CEP350: variants seen among roughly 807,000 people sequenced by gnomAD.
CEP350 encodes centrosomal protein 350.
Under a neutral mutation model 331.8 loss-of-function variants are expected in CEP350, and 126 were observed. That is an observed-to-expected ratio of 0.38 (90% CI 0.33 to 0.44). The LOEUF is 0.44. Among genes scored for constraint, CEP350 ranks in the 20% least tolerant of loss-of-function variants. CEP350 has a pLI of 1.00. For synonymous variants in CEP350, 1,200 were observed against 1,259.5 expected (o/e 0.95, Z 1.00); for missense variants, 3,406 against 3,634.6 (o/e 0.94, Z 1.62).
At chr1:179,964,745 A>T (rs1391130764) in intron 1 of CEP350, among the ~76,000 whole-genome samples, 1 of 149,216 alleles carries the variant, frequency 6.7e-6, no homozygotes, top group Non-Finnish European at 1.5e-5. Flanking sequence ...ATTTCTGATT[A>T]TGCTTCTTAG....
In CEP350 at chr1:179,988,472, G is replaced by C. The variant is rs575435150; in HGVS notation, c.120+1186G>C. 2.0e-5 allele frequency among the ~76,000 whole-genome samples: 3 copies of C among 152,110 alleles called. No individual in the cohort carries two copies. The South Asian group carries it at 6.2e-4, about 32-fold the overall frequency. On this transcript the variant is annotated intron_variant, in intron 3 of 37. Transcript: ENST00000367607. ...TTCTGTGGTCTGATTGCTCTAGCTG[G>C]GACTTCCAGTACTATGTTGAATAAC... is the stretch of plus-strand genomic sequence containing the variant.
At chr1:180,074,867 G>C (rs982410487) in intron 27 of CEP350, among the ~76,000 whole-genome samples, 155 bp from the exon 28 acceptor site, 9 of 152,102 alleles carry the variant, frequency 5.9e-5, no homozygotes, top group African/African-American at 2.2e-4. Context: ...ACTCATGAAA[G>C]CTTCTATTAT....
At chr1:180,095,459 T>G in intron 34 of CEP350, 64 bp from the exon 35 acceptor site, 5 of 1,524,210 alleles carry the variant, frequency 3.3e-6, no homozygotes, top group Non-Finnish European at 4.4e-6. Flanking sequence ...CTCTGTCTTT[T>G]TTTAAAAAAA....
At chr1:180,056,088 G>T (rs1482900826) in intron 25 of CEP350, among the ~76,000 whole-genome samples, 2 of 151,828 alleles carry the variant, frequency 1.3e-5, no homozygotes, top group Non-Finnish European at 2.9e-5. Flanking sequence ...GATACATCTG[G>T]TATTTTATTG....
chr1:180,017,947 CTGTT>C (rs1326857555), intron 11 of CEP350, among the ~76,000 whole-genome samples: 2 of 152,116 alleles, frequency 1.3e-5, no homozygotes, highest in African/African-American at 4.8e-5. Flanking sequence ...CTTATTTTAG[CTGTT>C]TGTTTGTCAT....
intron 33 of CEP350, 101 bp from the exon 34 acceptor site, chr1:180,092,513 G>GT (rs776175817): frequency 2.4e-5 from 19 of 797,112 alleles, no homozygotes; most frequent in Non-Finnish European, 3.2e-5. Flanking sequence ...GACTAGAGGG[G>GT]TTTTTTTCAC....
intron 34 of CEP350, chr1:180,095,210 T>C (rs1216661193): frequency 1.0e-5 from 2 of 193,426 alleles, no homozygotes; most frequent in African/African-American, 4.9e-5. Flanking sequence ...TGAGAAATTT[T>C]ATATCCCATT....
rs749455407 is a variant in CEP350, at chr1:179,996,877, G to A, written c.720G>A (p.Val240=). The A allele has an allele frequency of 1.5e-5, 25 of 1,613,978 alleles. No individual in the cohort carries two copies. The highest frequency in any genetic ancestry group is 2.1e-5 in the Non-Finnish European group (25 of 1,179,852). Residue 240 remains valine (V), a synonymous_variant, in exon 6 of 38, where the codon GTG becomes GTA. Transcript: ENST00000367607. ...KGSENNLKLS[V]NNMAHDTDPK... ...GTGAGAATAATTTGAAGCTTTCTGT[G>A]AATAACATGGCCCATGATACTGATC...
Position 180,053,877 on chromosome 1 carries a change from A to G in CEP350, c.5117A>G (p.Glu1706Gly). 3 of 1,611,114 alleles carry G rather than the reference A, an allele frequency of 1.9e-6. No homozygotes were observed. Among genetic ancestry groups the G allele is most frequent in the Non-Finnish European group, 2.5e-6 (3 of 1,178,146 alleles). ...CAGTCTTCACTCCTGCGTCTCCGTG[A>G]AAAGGCCTTGAAGGAGAAGACTAAG... Reference protein sequence around the residue: ...AHQSSLLRLREKALKEKTKAE... With the variant: ...AHQSSLLRLRGKALKEKTKAE... Residue 1706 changes from glutamate (E) to glycine (G), a missense_variant, in exon 24 of 38, where the codon GAA becomes GGA. Glu to Gly is a moderately conservative substitution (Grantham distance 98). This residue lies in a region of CEP350 where 104 missense variants were observed against 143.3 expected (regional missense o/e 0.73). Coordinates refer to ENST00000367607, the MANE Select transcript of CEP350 (RefSeq NM_014810.5).
intron 8 of CEP350, among the ~76,000 whole-genome samples, chr1:180,010,154 G>C (rs1214912986): frequency 1.3e-5 from 2 of 151,934 alleles, no homozygotes; most frequent in East Asian, 3.8e-4. Context: ...CTTTTCACAG[G>C]AACATTTCTG....
At chr1:180,098,574 G>A (rs1231219027) in intron 36 of CEP350, among the ~76,000 whole-genome samples, 2 of 151,810 alleles carry the variant, frequency 1.3e-5, no homozygotes, top group Non-Finnish European at 2.9e-5. Flanking sequence ...AAACTCCTGG[G>A]CTCAAGTGAT....
intron 19 of CEP350, among the ~76,000 whole-genome samples, chr1:180,042,285 A>G (rs1487667758): frequency 6.6e-6 from 1 of 152,076 alleles, no homozygotes; most frequent in African/African-American, 2.4e-5. Context: ...AAGATGTTTC[A>G]TTTTTACCCA....
chr1:180,090,267 C>T lies in CEP350; in HGVS notation c.6426-447C>T, dbSNP rs186859073. On this transcript the variant is annotated intron_variant, in intron 32 of 37. Coordinates refer to ENST00000367607, the MANE Select transcript of CEP350 (RefSeq NM_014810.5). The stretch of plus-strand genomic sequence containing the variant: ...AGAGTTAGAAATAGGCTTGATGAGG[C>T]CGGGCGCGGTGGCTCACGCCTGTAA... Among the ~76,000 whole-genome samples, 49 of 152,034 alleles carry T rather than the reference C, an allele frequency of 3.2e-4. 1 individual carries two copies. In the East Asian group the frequency reaches 8.5e-3, roughly 27 times the overall value.
chr1:179,969,556 T>C (rs1651281454), intron 1 of CEP350: 1 of 353,688 alleles, frequency 2.8e-6, no homozygotes, highest in African/African-American at 2.2e-5. Flanking sequence ...ACAGGGTTGA[T>C]GGAAAATAAG....
At chr1:180,073,722 T>C in intron 27 of CEP350, 1 of 1,248,042 alleles carries the variant, frequency 8.0e-7, no homozygotes, top group Non-Finnish European at 1.1e-6. Flanking sequence ...TCTTACGCTT[T>C]CCCTTTCTCA....
Position 180,015,842 on chromosome 1 carries a change from C to T in CEP350, c.2053-7C>T. 3 of 1,611,882 alleles carry T rather than the reference C, an allele frequency of 1.9e-6. 1 individual carries two copies. Among genetic ancestry groups the T allele is most frequent in the South Asian group, 1.1e-5 (1 of 90,762 alleles). On this transcript the variant is annotated splice_polypyrimidine_tract_variant and splice_region_variant and intron_variant, in intron 10 of 37. Transcript: ENST00000367607. ...ACTCATATAAATTTGATGTCCTTTTCTCCTAGGCCAAACCAGGGTATCAGC... is the reference window on the plus strand; with the variant it reads ...ACTCATATAAATTTGATGTCCTTTTTTCCTAGGCCAAACCAGGGTATCAGC...
chr1:180,099,439 T>A (rs1660667105), intron 37 of CEP350, among the ~76,000 whole-genome samples: 1 of 152,196 alleles, frequency 6.6e-6, no homozygotes, highest in Non-Finnish European at 1.5e-5. Context: ...GTTCCTCATA[T>A]ACAACTCAGT....
In CEP350 at chr1:180,003,245, A is replaced by C; in HGVS notation, c.1090A>C (p.Met364Leu). 6.2e-7 allele frequency: 1 copy of C among 1,613,202 alleles called. No individual in the cohort carries two copies. Among genetic ancestry groups the C allele is most frequent in the South Asian group, 1.1e-5 (1 of 90,878 alleles). The change falls in exon 7 of 38, where the codon ATG (methionine) becomes CTG (leucine). Residue 364 changes from methionine to leucine, a missense_variant. By Grantham distance (15) the Met-to-Leu change is conservative (BLOSUM62 2). Transcript: ENST00000367607. ...KVWQEAEFQN[M>L]SRELYRDLAL... ...GTGGCAGGAGGCTGAGTTTCAAAACATGAGTAGAGAACTGTATCGAGATTT... is the reference window on the plus strand; with the variant it reads ...GTGGCAGGAGGCTGAGTTTCAAAACCTGAGTAGAGAACTGTATCGAGATTT...
intron 22 of CEP350, among the ~76,000 whole-genome samples, chr1:180,051,317 A>G (rs910598315): frequency 6.6e-6 from 1 of 152,220 alleles, no homozygotes; most frequent in Non-Finnish European, 1.5e-5. Context: ...ACGAATTTTA[A>G]ATGAATTTTA....
Sources: gnomAD v4.1 joint callset for allele counts (sites outside exome capture counted in the v4.1 genomes callset) on GRCh38, gnomAD v4.1.1 for gene constraint, gnomAD v4.1.1 regional missense constraint, MANE v1.5 for transcripts, NCBI Gene and HGNC (gene_info 2026-07-23, HGNC 2026-07-21) for gene names.